GALNT13: variants seen among roughly 807,000 people sequenced by gnomAD.
The protein encoded by GALNT13 is UDP-GalNAc:polypeptide N-acetylgalactosaminyltransferase 13.
Under a neutral mutation model 64.2 loss-of-function variants are expected in GALNT13, and 28 were observed. That is an observed-to-expected ratio of 0.44 (90% CI 0.32 to 0.60). The LOEUF (loss-of-function observed/expected upper bound fraction) is 0.60. GALNT13 is among the 20% of genes least tolerant of loss of function. The pLI is 0.05. For missense variants in GALNT13, 577 were observed against 669.8 expected (o/e 0.86, Z 1.53); for synonymous variants, 214 against 224.6 (o/e 0.95, Z 0.42).
chr2:153,682,840 A>C, the GALNT13 span, among the ~76,000 whole-genome samples: 1 of 151,786 alleles, frequency 6.6e-6, no homozygotes, highest in Admixed American at 6.6e-5. Flanking sequence ...TAAGTATTCT[A>C]AAGTAACAAG....
chr2:153,483,410 CTTTTTTTTTT>C, the GALNT13 span, among the ~76,000 whole-genome samples: 1 of 71,776 alleles, frequency 1.4e-5, no homozygotes, highest in Admixed American at 1.7e-4. Flanking sequence ...GAATAAAATT[CTTTTTTTTTT>C]TTTTTTTTTT....
At chr2:153,198,100 C>T in the GALNT13 span, among the ~76,000 whole-genome samples, 2 of 152,158 alleles carry the variant, frequency 1.3e-5, no homozygotes, top group African/African-American at 2.4e-5. Context: ...TATGAGGGCT[C>T]TTAGTGAGCC....
At chr2:153,348,696 T>G in the GALNT13 span, among the ~76,000 whole-genome samples, 3,439 of 152,300 alleles carry the variant, frequency 0.023, 142 homozygotes, top group African/African-American at 0.077. Context: ...CTGTGTGTTT[T>G]GAGATTTTTA....
chr2:153,601,380 G>A, the GALNT13 span, among the ~76,000 whole-genome samples: 1 of 151,640 alleles, frequency 6.6e-6, no homozygotes, highest in African/African-American at 2.4e-5. Flanking sequence ...ACTATATGAA[G>A]CAAACTATAA....
intron 3 of GALNT13, among the ~76,000 whole-genome samples, chr2:154,132,894 CA>C (rs5835498): frequency 1.0e-3 from 134 of 132,480 alleles, no homozygotes; most frequent in Admixed American, 1.6e-3. Context: ...GACTCTGTCT[CA>C]AAAAAAAAAA....
chr2:153,758,804 C>T, the GALNT13 span, among the ~76,000 whole-genome samples: 9 of 152,088 alleles, frequency 5.9e-5, no homozygotes, highest in Non-Finnish European at 1.3e-4. Context: ...GTTGGCAAGC[C>T]TGGTCTTGAA....
At chr2:153,563,135 G>T in the GALNT13 span, among the ~76,000 whole-genome samples, 1 of 151,346 alleles carries the variant, frequency 6.6e-6, no homozygotes, top group African/African-American at 2.4e-5. Flanking sequence ...GATATCCTTT[G>T]TTTTTCTTAC....
chr2:154,396,503 A>G (rs1286209685), intron 10 of GALNT13, among the ~76,000 whole-genome samples: 1 of 152,332 alleles, frequency 6.6e-6, no homozygotes, highest in Non-Finnish European at 1.5e-5. Flanking sequence ...ATTAAACGTT[A>G]TATAATAAAC....
chr2:153,908,906 A>G lies in GALNT13; in HGVS notation c.-105+7899A>G, dbSNP rs117258884. On this transcript the variant is annotated intron_variant, in intron 2 of 12. Coordinates refer to ENST00000392825, the MANE Select transcript of GALNT13 (RefSeq NM_052917.4). The stretch of plus-strand genomic sequence containing the variant: ...TTTTTGGTTCCATATGAATTTTAAA[A>G]TATATTTTTCTAGTTCTGCCAATAA... 2.4e-3 allele frequency among the ~76,000 whole-genome samples: 367 copies of G among 152,124 alleles called. 9 individuals are homozygous for G. In the East Asian group the frequency reaches 0.055, roughly 23 times the overall value.
chr2:153,672,770 GTT>G, the GALNT13 span, among the ~76,000 whole-genome samples: 24,655 of 143,182 alleles, frequency 0.17, 2,544 homozygotes, highest in Non-Finnish European at 0.23. Context: ...TCCAGGAGGT[GTT>G]TTTTTTTTTT....
the GALNT13 span, among the ~76,000 whole-genome samples, chr2:153,284,785 G>T: frequency 6.6e-6 from 1 of 152,012 alleles, no homozygotes; most frequent in Non-Finnish European, 1.5e-5. Flanking sequence ...TCCATGAATA[G>T]ATTCCTGCTT....
chr2:154,271,681 A>G (rs1691362396), intron 8 of GALNT13, among the ~76,000 whole-genome samples: 1 of 151,888 alleles, frequency 6.6e-6, no homozygotes, highest in Non-Finnish European at 1.5e-5. Flanking sequence ...AACCAACAAA[A>G]ATACTCGTCT....
chr2:153,216,349 A>C, the GALNT13 span, among the ~76,000 whole-genome samples: 91 of 152,134 alleles, frequency 6.0e-4, no homozygotes, highest in East Asian at 0.015. Context: ...CTGGGTCATA[A>C]GTAGTATATG....
At chr2:153,305,653 C>G in the GALNT13 span, among the ~76,000 whole-genome samples, 2 of 152,058 alleles carry the variant, frequency 1.3e-5, no homozygotes, top group African/African-American at 2.4e-5. Context: ...TTCCAAAATG[C>G]CACTCCCTAG....
intron 4 of GALNT13, among the ~76,000 whole-genome samples, chr2:154,149,976 T>C (rs998223970): frequency 2.6e-5 from 4 of 151,890 alleles, no homozygotes; most frequent in African/African-American, 4.8e-5. Flanking sequence ...TGAATAGGAG[T>C]GGTGAGAGAG....
intron 3 of GALNT13, among the ~76,000 whole-genome samples, chr2:154,042,599 T>C (rs1368200288): frequency 1.0e-5 from 1 of 99,108 alleles, no homozygotes; most frequent in Non-Finnish European, 2.8e-5. Context: ...TATTTGTTCA[T>C]TATTTTTCTG....
the GALNT13 span, among the ~76,000 whole-genome samples, chr2:153,719,824 T>G: frequency 1.3e-5 from 2 of 151,460 alleles, no homozygotes; most frequent in Non-Finnish European, 3.0e-5. Flanking sequence ...CCACGGAATC[T>G]CGCTGATTGC....
intron 3 of GALNT13, among the ~76,000 whole-genome samples, chr2:153,997,108 TA>T (rs1241864681): frequency 6.6e-6 from 1 of 152,170 alleles, no homozygotes; most frequent in Admixed American, 6.5e-5. Context: ...GGTAATTGGA[TA>T]CCTCCATCCT....
intron 3 of GALNT13, among the ~76,000 whole-genome samples, chr2:154,047,516 A>G (rs1328552679): frequency 6.6e-6 from 1 of 152,196 alleles, no homozygotes; most frequent in East Asian, 1.9e-4. Context: ...GAGATAATCA[A>G]TTAAATTAGA....
Sources: allele counts gnomAD v4.1 joint callset (sites outside exome capture counted in the v4.1 genomes callset), GRCh38; gene constraint gnomAD v4.1.1; transcripts MANE v1.5; gene names NCBI Gene and HGNC (gene_info 2026-07-23, HGNC 2026-07-21).